The following ARL10 variants were observed in gnomAD, a reference collection of about 807,000 sequenced individuals.
The protein encoded by ARL10 is ADP-ribosylation factor-like protein 10.
Under a neutral mutation model 26.1 loss-of-function variants are expected in ARL10, and 23 were observed. That is an observed-to-expected ratio of 0.88 (90% CI 0.63 to 1.25). The LOEUF is 1.25. Among genes scored for constraint, ARL10 ranks in the 50% most tolerant of loss-of-function variants. The pLI, the probability that ARL10 is intolerant of heterozygous loss-of-function variation, is 0.00. For synonymous variants in ARL10, 138 were observed against 149.1 expected (o/e 0.93, Z 0.54); for missense variants, 300 against 323.6 (o/e 0.93, Z 0.56).
downstream of ARL10, chr5:176,386,124 C>A: frequency 6.5e-6 from 1 of 154,564 alleles, no homozygotes; most frequent in Admixed American, 6.4e-5. Flanking sequence ...ATATCCTTTA[C>A]TGAACAGTGC....
intron 1 of ARL10, among the ~76,000 whole-genome samples, chr5:176,388,075 G>C (rs1756027737): frequency 6.6e-6 from 1 of 152,216 alleles, no homozygotes; most frequent in Non-Finnish European, 1.5e-5. Context: ...GTCGTAAAGA[G>C]ACCCTTGCTC....
At position 176,371,863 on chromosome 5, in the gene ARL10, A is replaced by T. The variant is rs1289053641; in HGVS notation, c.703A>T (p.Ile235Phe). The change falls in exon 4 of 4, where the codon ATC (isoleucine) becomes TTC (phenylalanine). Residue 235 changes from isoleucine (I) to phenylalanine (F), a missense_variant. Physicochemically the swap from Ile to Phe is conservative, Grantham distance 21. Coordinates refer to ENST00000310389, the MANE Select transcript of ARL10 (RefSeq NM_173664.6). ...CTTTGAAGAGCCTGGCACCGTGCAC[A>T]TCTGGAAACTGCTCTTGGAGCTCCT... The part of the protein sequence containing the change: ...PTFEEPGTVH[I>F]WKLLLELLS 6.2e-7 allele frequency: 1 copy of T among 1,614,206 alleles called. No homozygotes were observed. The highest frequency in any genetic ancestry group is 2.2e-5 in the East Asian group (1 of 44,882).
chr5:176,371,330 CCAAGATCG>C (rs1768532943), intron 3 of ARL10, among the ~76,000 whole-genome samples: 2 of 152,176 alleles, frequency 1.3e-5, no homozygotes, highest in Admixed American at 6.5e-5. Context: ...TTGCAGTGAG[CCAAGATCG>C]TGCCACTGCA....
chr5:176,385,919 G>A (rs1223048845), downstream of ARL10: 1 of 152,606 alleles, frequency 6.6e-6, no homozygotes, highest in Non-Finnish European at 1.5e-5. Context: ...GAAAGAGAGA[G>A]AAAGAGCTAC....
the ARL10 span, among the ~76,000 whole-genome samples, chr5:176,413,378 T>C: frequency 1.3e-5 from 2 of 152,164 alleles, no homozygotes; most frequent in South Asian, 4.1e-4. Flanking sequence ...CCAGGCCTGG[T>C]GCTCAGAAAA....
Position 176,378,979 on chromosome 5 carries a change from C to A in ARL10, c.*7084C>A, listed in dbSNP as rs893155685. On this transcript the variant is annotated 3_prime_UTR_variant, in exon 4 of 4. Coordinates refer to ENST00000310389, the MANE Select transcript of ARL10 (RefSeq NM_173664.6). The stretch of plus-strand genomic sequence containing the variant: ...TGACTGGAATTTAATAGACTTTCCA[C>A]AGCACGTGGAACTTGCAAAAAAAAA... 1.3e-5 allele frequency: 2 copies of A among 151,702 alleles called. No homozygotes were observed. The highest frequency in any genetic ancestry group is 2.9e-5 in the Non-Finnish European group (2 of 67,946). 9.4% of individuals were successfully genotyped at this position (151,702 alleles called of 1,614,324 possible).
intron 1 of ARL10, chr5:176,397,884 C>T (rs1756624517): frequency 7.7e-6 from 12 of 1,554,760 alleles, no homozygotes; most frequent in Non-Finnish European, 8.0e-6. Flanking sequence ...ACACTCCACC[C>T]CACACACAGC....
At chr5:176,413,409 C>T in the ARL10 span, among the ~76,000 whole-genome samples, 1 of 152,236 alleles carries the variant, frequency 6.6e-6, no homozygotes, top group African/African-American at 2.4e-5. Flanking sequence ...AAATGGAAAC[C>T]TACCCAAGGC....
downstream of ARL10, chr5:176,388,728 G>C (rs1218658983): frequency 4.6e-6 from 7 of 1,532,966 alleles, no homozygotes; most frequent in South Asian, 1.2e-5. Context: ...TGCGTACAAG[G>C]CTCAATTTAT....
At chr5:176,403,108 G>A (rs1190603698), downstream of ARL10, among the ~76,000 whole-genome samples, 1 of 147,354 alleles carries the variant, frequency 6.8e-6, no homozygotes, top group Admixed American at 6.8e-5. Context: ...GGAGTGCAGT[G>A]TCAGGATCTC....
rs1056919638 is a variant in ARL10, at chr5:176,393,900, C to T, written c.134-7841C>T. On this transcript the variant is annotated intron_variant, in intron 1 of 1. Transcript: ENST00000514533. This position sits in a 1 kb window ranked among gnomAD's most constrained non-coding sequence, Gnocchi z 4.4. ...TATGTCCTGTTTGGCCAGCGAGGGT[C>T]GCTCACAAGTCCCTGGAAGCCCCCT... Among the ~76,000 whole-genome samples the T allele has an allele frequency of 3.3e-5, 5 of 152,176 alleles. No homozygotes were observed. Among genetic ancestry groups the T allele is most frequent in the African/African-American group, 7.2e-5 (3 of 41,442 alleles).
chr5:176,387,281 T>C (rs960105636), intron 1 of ARL10, among the ~76,000 whole-genome samples: 1 of 152,206 alleles, frequency 6.6e-6, no homozygotes, highest in South Asian at 2.1e-4. Context: ...GGTTTTGCCA[T>C]GTTGGCCAGG....
At chr5:176,398,137 T>C in intron 1 of ARL10, 1 of 1,186,446 alleles carries the variant, frequency 8.4e-7, no homozygotes, top group Non-Finnish European at 1.3e-6. Context: ...CATGTCTGGA[T>C]AACTCAGCCT....
At chr5:176,399,157 C>A (rs559290580) in intron 1 of ARL10, among the ~76,000 whole-genome samples, 1 of 152,036 alleles carries the variant, frequency 6.6e-6, no homozygotes. Flanking sequence ...AAGGACCTTA[C>A]TTTATAATGT....
rs369020163 is a variant in ARL10, at chr5:176,393,982, G to T, written c.134-7759G>T. On this transcript the variant is annotated intron_variant, in intron 1 of 1. Transcript: ENST00000514533. The surrounding 1 kb of genome is among the most constrained non-coding windows in gnomAD (Gnocchi z 4.4). ...GCCAGACATGACTGATGGCAGGAGC[G>T]CTCCATGGAAGAGCTGACCCCGGAT... Among the ~76,000 whole-genome samples the T allele has an allele frequency of 1.3e-5, 2 of 152,292 alleles. No individual in the cohort carries two copies. Among genetic ancestry groups the T allele is most frequent in the African/African-American group, 4.8e-5 (2 of 41,554 alleles).
exon 2 of ARL10, chr5:176,388,567 A>G: frequency 6.3e-7 from 1 of 1,579,844 alleles, no homozygotes; most frequent in Non-Finnish European, 8.7e-7. Flanking sequence ...CAGCAGCTCA[A>G]ACACGCTGCC....
At chr5:176,401,098 T>C (rs1452522636) in intron 1 of ARL10, among the ~76,000 whole-genome samples, 2 of 152,316 alleles carry the variant, frequency 1.3e-5, no homozygotes, top group Admixed American at 1.3e-4. Flanking sequence ...AACATCCCAG[T>C]GGGCCCTTCT....
At chr5:176,398,482 C>T (rs1182940257) in intron 1 of ARL10, among the ~76,000 whole-genome samples, 1 of 152,046 alleles carries the variant, frequency 6.6e-6, no homozygotes, top group Non-Finnish European at 1.5e-5. Flanking sequence ...GAGGCCGAGG[C>T]GGCAAATCAC....
chr5:176,369,275 C>T (rs1417532582), intron 3 of ARL10: 2 of 1,255,328 alleles, frequency 1.6e-6, no homozygotes, highest in Non-Finnish European at 2.1e-6. Flanking sequence ...TTCTGTCGCC[C>T]AGGCTGGAAT....
Sources: gnomAD v4.1 joint callset for allele counts (sites outside exome capture counted in the v4.1 genomes callset) on GRCh38, gnomAD v4.1.1 for gene constraint, Gnocchi (gnomAD v3.1) non-coding constraint, MANE v1.5 for transcripts, NCBI Gene and HGNC (gene_info 2026-07-23, HGNC 2026-07-21) for gene names.